Variants in ANO6 observed in about 807,000 individuals in gnomAD.
ANO6 encodes the protein anoctamin-6.
In ANO6, 106 loss-of-function variants were observed where a neutral mutation model predicts 117.5. The ratio of observed to expected loss-of-function variants is 0.90; its 90% CI spans 0.77 to 1.06. The LOEUF is 1.06. ANO6 is among the 50% of genes least tolerant of loss of function. The pLI is 0.00. For synonymous variants in ANO6, 367 were observed against 385.1 expected (o/e 0.95, Z 0.55); for missense variants, 955 against 1,121.1 (o/e 0.85, Z 2.12).
chr12:45,271,496 TTC>T (rs1354747178), intron 1 of ANO6, among the ~76,000 whole-genome samples: 6 of 152,238 alleles, frequency 3.9e-5, no homozygotes, highest in African/African-American at 1.4e-4. Context: ...AGCAGCCACA[TTC>T]TGTTAGTATA....
At chr12:45,317,113 G>GTGTGTGTGTGTGTATATATATATATA in intron 2 of ANO6, among the ~76,000 whole-genome samples, 1 of 66,448 alleles carries the variant, frequency 1.5e-5, no homozygotes, top group African/African-American at 4.1e-5. Context: ...CTTTTTATAT[G>GTGTGTGTGTGTGTATATATATATATA]TATATATATA....
chr12:45,418,966 A>G (rs901959369), intron 17 of ANO6, among the ~76,000 whole-genome samples: 1 of 152,186 alleles, frequency 6.6e-6, no homozygotes, highest in African/African-American at 2.4e-5. Context: ...CAAGCATTAA[A>G]TGTGTGTCTT....
chr12:45,355,250 T>C (rs938586514), intron 7 of ANO6, among the ~76,000 whole-genome samples: 4 of 152,134 alleles, frequency 2.6e-5, no homozygotes, highest in African/African-American at 9.7e-5. Flanking sequence ...TCAGAAAATA[T>C]TGCATTTGAA....
chr12:45,243,186 G>A (rs992972497), intron 1 of ANO6, among the ~76,000 whole-genome samples: 3 of 152,138 alleles, frequency 2.0e-5, no homozygotes, highest in African/African-American at 4.8e-5. Context: ...AGGTGTGGTG[G>A]CATGCACCTG....
intron 1 of ANO6, among the ~76,000 whole-genome samples, chr12:45,229,291 G>A: frequency 6.6e-6 from 1 of 152,122 alleles, no homozygotes; most frequent in Non-Finnish European, 1.5e-5. Context: ...GGAAGAAATG[G>A]GCTTCCACGC....
chr12:45,381,928 A>T (rs947445077), intron 10 of ANO6, among the ~76,000 whole-genome samples: 1 of 152,038 alleles, frequency 6.6e-6, no homozygotes, highest in Non-Finnish European at 1.5e-5. Context: ...ACTGAGATAG[A>T]TACTAGATAG....
At chr12:45,274,439 C>T (rs1287695708) in intron 1 of ANO6, among the ~76,000 whole-genome samples, 1 of 152,082 alleles carries the variant, frequency 6.6e-6, no homozygotes, top group African/African-American at 2.4e-5. Flanking sequence ...TTGATTCCTG[C>T]CTTTCTGTGA....
At chr12:45,294,141 C>T (rs1366626488) in intron 1 of ANO6, among the ~76,000 whole-genome samples, 2 of 152,036 alleles carry the variant, frequency 1.3e-5, no homozygotes, top group Non-Finnish European at 2.9e-5. Context: ...AATTTAGTGA[C>T]TTACCAAAAT....
Position 45,393,314 on chromosome 12 carries a change from G to A in ANO6, c.1386+2816G>A, listed in dbSNP as rs187913525. On this transcript the variant is annotated intron_variant, in intron 12 of 19. Transcript: ENST00000320560. ...GTTAGAGGAAAAAGTAAAAAGCAAC[G>A]AACAAAGCCTCCAAGAAATATGGGA... Among the ~76,000 whole-genome samples, 12 of 152,256 alleles carry A rather than the reference G, an allele frequency of 7.9e-5. No homozygotes were observed. In the East Asian group the frequency reaches 1.7e-3, roughly 22 times the overall value.
At chr12:45,321,639 A>C (rs951405041) in intron 2 of ANO6, among the ~76,000 whole-genome samples, 56 of 152,272 alleles carry the variant, frequency 3.7e-4, no homozygotes, top group African/African-American at 1.3e-3. Context: ...TTGAAATGAC[A>C]GTCGCGTGTT....
intron 9 of ANO6, among the ~76,000 whole-genome samples, chr12:45,376,706 AT>A (rs1942031066): frequency 9.6e-6 from 1 of 103,884 alleles, no homozygotes; most frequent in African/African-American, 3.7e-5. Flanking sequence ...CTGTTGTGGG[AT>A]GGGGGGAGGG....
intron 7 of ANO6, among the ~76,000 whole-genome samples, chr12:45,353,813 G>A (rs1941342658): frequency 6.6e-6 from 1 of 152,178 alleles, no homozygotes; most frequent in Non-Finnish European, 1.5e-5. Flanking sequence ...CAAGACAAGG[G>A]CAGGGTCCTA....
intron 17 of ANO6, among the ~76,000 whole-genome samples, chr12:45,418,415 T>C (rs1445655059): frequency 6.6e-6 from 1 of 152,174 alleles, no homozygotes; most frequent in East Asian, 1.9e-4. Flanking sequence ...GACTGCTGTT[T>C]AGAAAAATGG....
At chr12:45,319,045 A>G (rs1356354042) in intron 2 of ANO6, among the ~76,000 whole-genome samples, 2 of 152,190 alleles carry the variant, frequency 1.3e-5, no homozygotes, top group Admixed American at 6.5e-5. Flanking sequence ...TAGATATACA[A>G]TCATGTCATC....
chr12:45,342,579 T>A (rs1037123986), intron 3 of ANO6, among the ~76,000 whole-genome samples: 1 of 151,928 alleles, frequency 6.6e-6, no homozygotes, highest in Non-Finnish European at 1.5e-5. Flanking sequence ...CATGGAAAAT[T>A]TGGGGGGCTC....
At chr12:45,227,922 C>G (rs1947510154) in intron 1 of ANO6, among the ~76,000 whole-genome samples, 1 of 152,114 alleles carries the variant, frequency 6.6e-6, no homozygotes, top group African/African-American at 2.4e-5. Context: ...TTTTTCCTAT[C>G]TTGCAGATCT....
chr12:45,323,543 A>G (rs775099831), intron 2 of ANO6, among the ~76,000 whole-genome samples: 14 of 152,226 alleles, frequency 9.2e-5, no homozygotes, highest in Non-Finnish European at 1.8e-4. Flanking sequence ...GTGAAAGCTC[A>G]CATTTATTGA....
intron 12 of ANO6, among the ~76,000 whole-genome samples, chr12:45,392,278 G>A (rs1262396474): frequency 6.6e-6 from 1 of 152,234 alleles, no homozygotes; most frequent in Non-Finnish European, 1.5e-5. Flanking sequence ...CAATCTGCGA[G>A]GTGGCAGCCT....
At chr12:45,233,115 A>G (rs1025684768) in intron 1 of ANO6, among the ~76,000 whole-genome samples, 2 of 152,194 alleles carry the variant, frequency 1.3e-5, no homozygotes, top group African/African-American at 2.4e-5. Context: ...GTCTGGAGGA[A>G]GAGTTTAACC....
Sources: gnomAD v4.1 joint callset for allele counts (sites outside exome capture counted in the v4.1 genomes callset) on GRCh38, gnomAD v4.1.1 for gene constraint, MANE v1.5 for transcripts, NCBI Gene and HGNC (gene_info 2026-07-23, HGNC 2026-07-21) for gene names.